Variants in FBXO25 observed in about 807,000 individuals in gnomAD.
The protein encoded by FBXO25 is F-box only protein 25.
In FBXO25, 45 loss-of-function variants were observed where a neutral mutation model predicts 51.9. That is an observed-to-expected ratio of 0.87 (90% CI 0.68 to 1.11). The LOEUF is 1.11. FBXO25 is among the 50% of genes most tolerant of loss of function. The probability of loss-of-function intolerance (pLI) is 0.00; values close to 1 mark genes in which losing one functional copy is unlikely to be tolerated. For synonymous variants in FBXO25, 199 were observed against 151.0 expected (o/e 1.32, Z -2.33); for missense variants, 507 against 428.5 (o/e 1.18, Z -1.62).
rs183654675 is a variant in FBXO25, at chr8:467,779, C to T, written c.988-936C>T. ...CCTGTCTTGCCACACATCCTGTGTT[C>T]GGGATGAAAACGTTGCATCGTGCTG... On this transcript the variant is annotated intron_variant, in intron 9 of 9. Transcript: ENST00000350302. The T allele has an allele frequency of 8.2e-4, 1,318 of 1,613,144 alleles. 4 individuals are homozygous for T. Among genetic ancestry groups the T allele is most frequent in the Non-Finnish European group, 6.4e-4 (760 of 1,179,190 alleles).
chr8:447,152 T>G (rs1449869268), intron 5 of FBXO25, among the ~76,000 whole-genome samples: 1 of 152,160 alleles, frequency 6.6e-6, no homozygotes, highest in Non-Finnish European at 1.5e-5. Flanking sequence ...AACTCCAGCT[T>G]GCAGAGTGCA....
intron 7 of FBXO25, among the ~76,000 whole-genome samples, chr8:457,876 C>T (rs1452499330): frequency 6.6e-6 from 1 of 152,242 alleles, no homozygotes; most frequent in African/African-American, 2.4e-5. Flanking sequence ...ATGTGGTCAA[C>T]CTCCCTCATC....
At chr8:425,142 A>T (rs1282159597) in intron 2 of FBXO25, among the ~76,000 whole-genome samples, 1 of 147,634 alleles carries the variant, frequency 6.8e-6, no homozygotes, top group African/African-American at 2.5e-5. Context: ...CGCCCCCCAC[A>T]TGTCCCATTT....
chr8:428,811 C>T (rs533254614), intron 2 of FBXO25, among the ~76,000 whole-genome samples: 119 of 152,314 alleles, frequency 7.8e-4, no homozygotes, highest in African/African-American at 2.8e-3. Context: ...CCTTTTGTGA[C>T]TGTCTTATCT....
chr8:411,755 G>A (rs1017732509), intron 1 of FBXO25, among the ~76,000 whole-genome samples: 3 of 152,124 alleles, frequency 2.0e-5, no homozygotes, highest in Non-Finnish European at 4.4e-5. Flanking sequence ...TAGGGAGGGG[G>A]TTGAGGCAGC....
chr8:440,382 T>C (rs1266483453), intron 5 of FBXO25, among the ~76,000 whole-genome samples: 1 of 152,250 alleles, frequency 6.6e-6, no homozygotes, highest in African/African-American at 2.4e-5. Context: ...GATCCATTTA[T>C]GACCCAAGAG....
At chr8:407,585 C>G (rs904983202) in intron 1 of FBXO25, among the ~76,000 whole-genome samples, 1 of 152,080 alleles carries the variant, frequency 6.6e-6, no homozygotes, top group Non-Finnish European at 1.5e-5. Flanking sequence ...CTTGCAGGCC[C>G]GAGCTTGTGT....
At chr8:444,419 A>T (rs1798614380) in intron 5 of FBXO25, among the ~76,000 whole-genome samples, 1 of 152,186 alleles carries the variant, frequency 6.6e-6, no homozygotes, top group African/African-American at 2.4e-5. Context: ...CTGTGATTTT[A>T]TTTAACTTTA....
chr8:410,033 A>G (rs1411124082), intron 1 of FBXO25, among the ~76,000 whole-genome samples: 3 of 152,022 alleles, frequency 2.0e-5, no homozygotes, highest in African/African-American at 7.2e-5. Context: ...CATGATTGAT[A>G]TTTTTTGCCT....
chr8:476,819 AT>A lies in FBXO25; in HGVS notation c.*8017del, dbSNP rs1277734976. On this transcript the variant is annotated 3_prime_UTR_variant, in exon 10 of 10. Coordinates refer to ENST00000350302, the MANE Select transcript of FBXO25 (RefSeq NM_183420.2). ...TGTCTCTGCTCTAATCTTTATTATT[AT>A]TATAATCATCTCCATTCTGCTGGCT... 6.3e-5 allele frequency: 9 copies of A among 142,184 alleles called. No homozygotes were observed. Among genetic ancestry groups the A allele is most frequent in the Non-Finnish European group, 1.1e-4 (7 of 66,588 alleles). The allele number at this position is 142,184 out of a possible 1,614,324, so 8.8% of individuals were successfully genotyped here.
At chr8:418,250 C>G (rs753928445) in intron 2 of FBXO25, among the ~76,000 whole-genome samples, 87 of 151,764 alleles carry the variant, frequency 5.7e-4, no homozygotes, top group Non-Finnish European at 3.4e-4. Flanking sequence ...ATTACTTTAA[C>G]TAGTTTGGTG....
rs1797811046 is a variant in FBXO25 at position 431,349 on chromosome 8, A to T, written c.143A>T (p.Asn48Ile). 2.0e-6 allele frequency: 3 copies of T among 1,474,098 alleles called. No homozygotes were observed. In the African/African-American group the frequency reaches 4.3e-5, roughly 21 times the overall value. 91.3% of individuals were successfully genotyped at this position (1,474,098 alleles called of 1,614,324 possible). A position where few individuals can be genotyped will look rare whatever the true frequency, so the allele number is the denominator to read the frequency against. Residue 48 changes from asparagine to isoleucine, a missense_variant, in exon 3 of 10, where the codon AAT (asparagine) becomes ATT (isoleucine). Transcript: ENST00000350302. Reference sequence around the variant, plus strand: ...ATGTGTCTTTATTTCAGTATCTTAAATAGTGAAGATGGAGAAATATTCAAT... The same window carrying T: ...ATGTGTCTTTATTTCAGTATCTTAATTAGTGAAGATGGAGAAATATTCAAT... ...RCNISHSIIL[N>I]SEDGEIFNNE...
chr8:455,793 A>C (rs1459599980), intron 7 of FBXO25, among the ~76,000 whole-genome samples: 1 of 152,210 alleles, frequency 6.6e-6, no homozygotes, highest in African/African-American at 2.4e-5. Context: ...CAGTGGAGGA[A>C]GTGCAGCAAA....
At chr8:416,803 G>T (rs546915006) in intron 2 of FBXO25, among the ~76,000 whole-genome samples, 9 of 152,352 alleles carry the variant, frequency 5.9e-5, no homozygotes, top group Admixed American at 3.3e-4. Context: ...AGCAATAAAT[G>T]AAACATGAAA....
At chr8:441,247 C>T (rs28834125) in intron 5 of FBXO25, among the ~76,000 whole-genome samples, 1 of 152,124 alleles carries the variant, frequency 6.6e-6, no homozygotes, top group South Asian at 2.1e-4. Context: ...ACAAACCTGA[C>T]AAAAACAAGC....
intron 1 of FBXO25, among the ~76,000 whole-genome samples, chr8:410,314 A>C (rs1188075089): frequency 6.6e-6 from 1 of 152,172 alleles, no homozygotes; most frequent in East Asian, 1.9e-4. Context: ...TAAATTGCAC[A>C]CTTTTGAGGG....
chr8:429,787 C>T (rs1348420608), intron 2 of FBXO25, among the ~76,000 whole-genome samples: 1 of 152,220 alleles, frequency 6.6e-6, no homozygotes, highest in East Asian at 1.9e-4. Flanking sequence ...TCTCTGAGCC[C>T]TACCACTGCC....
intron 2 of FBXO25, among the ~76,000 whole-genome samples, chr8:423,859 A>C (rs1396199602): frequency 6.6e-6 from 1 of 152,172 alleles, no homozygotes. Context: ...GTTCTTTGAG[A>C]AATCTCTAGA....
In FBXO25 at chr8:418,952, G is replaced by T. The variant is rs534070535; in HGVS notation, c.134+5739G>T. On this transcript the variant is annotated intron_variant, in intron 2 of 9. Coordinates refer to ENST00000350302, the MANE Select transcript of FBXO25 (RefSeq NM_183420.2). ...ACTGTAAAGTTTTAAGAAGAAAACAGTATTTTCACAATGTAAAGTAGGCAG... is the reference window on the plus strand; with the variant it reads ...ACTGTAAAGTTTTAAGAAGAAAACATTATTTTCACAATGTAAAGTAGGCAG... Among the ~76,000 whole-genome samples the T allele has an allele frequency of 9.1e-4, 139 of 152,202 alleles. 1 individual carries two copies. The highest frequency in any genetic ancestry group is 3.0e-3 in the African/African-American group (124 of 41,522).
Sources: allele counts gnomAD v4.1 joint callset (sites outside exome capture counted in the v4.1 genomes callset), GRCh38; gene constraint gnomAD v4.1.1; transcripts MANE v1.5; gene names NCBI Gene and HGNC (gene_info 2026-07-23, HGNC 2026-07-21).